Variants in GLIS3 observed in about 807,000 individuals in gnomAD.
GLIS3 encodes the protein GLIS family zinc finger 3.
Under a neutral mutation model 78.6 loss-of-function variants are expected in GLIS3, and 53 were observed. The ratio of observed to expected loss-of-function variants is 0.67; its 90% confidence interval spans 0.54 to 0.85. The LOEUF is 0.85. Among genes scored for constraint, GLIS3 ranks in the 40% least tolerant of loss-of-function variants. The pLI, the probability that GLIS3 is intolerant of heterozygous loss-of-function variation, is 0.00. For missense variants in GLIS3, 1,703 were observed against 1,231.1 expected (o/e 1.38, Z -5.74); for synonymous variants, 684 against 509.9 (o/e 1.34, Z -4.60).
At chr9:4,011,536 G>A (rs1235327135) in intron 4 of GLIS3, among the ~76,000 whole-genome samples, 1 of 152,154 alleles carries the variant, frequency 6.6e-6, no homozygotes, top group Non-Finnish European at 1.5e-5. Context: ...AGATGTACGG[G>A]CAGCCCATTC....
At chr9:4,117,660 T>A in intron 4 of GLIS3, 108 bp downstream of exon 4, 1 of 1,247,110 alleles carries the variant, frequency 8.0e-7, no homozygotes, top group Admixed American at 1.7e-5. Context: ...CATGGATACC[T>A]AGACCCCCAC....
At chr9:4,122,019 T>A (rs931228861) in intron 3 of GLIS3, among the ~76,000 whole-genome samples, 1 of 152,238 alleles carries the variant, frequency 6.6e-6, no homozygotes, top group Non-Finnish European at 1.5e-5. Flanking sequence ...TGATATTACT[T>A]CTGGTGATTG....
In GLIS3 at chr9:4,286,080, G is replaced by C; in HGVS notation, c.346C>G (p.Gln116Glu). The part of the protein sequence containing the change: ...MSGSHTLKPK[Q>E]QEFGSPFPPN... Reference sequence around the variant, plus strand: ...GGAAAAGGGCTTCCAAACTCCTGCTGCTTTGGCTTTAAAGTATGTGACCCT... The same window carrying C: ...GGAAAAGGGCTTCCAAACTCCTGCTCCTTTGGCTTTAAAGTATGTGACCCT... The change falls in exon 2 of 11, where the codon CAG becomes GAG. Residue 116 changes from glutamine (Q) to glutamate (E), a missense_variant. Gln to Glu is a conservative substitution (Grantham distance 29). Transcript: ENST00000381971. 1.2e-6 allele frequency: 2 copies of C among 1,613,692 alleles called. No individual in the cohort carries two copies. The highest frequency in any genetic ancestry group is 1.7e-6 in the Non-Finnish European group (2 of 1,179,792).
Position 4,290,713 on chromosome 9 carries a change from TA to T in GLIS3, c.-98-4191del, listed in dbSNP as rs376379974. Among the ~76,000 whole-genome samples the T allele has an allele frequency of 1.2e-4, 18 of 152,220 alleles. No individual in the cohort carries two copies. The East Asian group carries it at 1.9e-3, about 16-fold the overall frequency. On this transcript the variant is annotated intron_variant, in intron 1 of 10. Transcript: ENST00000381971. Reference sequence around the variant, plus strand: ...GACTGACTCCTCAGAAAAGACTGTATAAACAAAAACCAATCACGTAAGTCAT... The same window carrying T: ...GACTGACTCCTCAGAAAAGACTGTATAACAAAAACCAATCACGTAAGTCAT...
chr9:3,932,673 A>G, intron 5 of GLIS3: 2 of 535,030 alleles, frequency 3.7e-6, no homozygotes, highest in South Asian at 3.8e-5. Context: ...TTCAAGGAAC[A>G]AAGAGATGCC....
At chr9:4,308,848 T>A (rs568725700) in exon 4 of GLIS3, 2 of 152,226 alleles carry the variant, frequency 1.3e-5, no homozygotes, top group Non-Finnish European at 1.5e-5. Context: ...AGAGGCTGAA[T>A]TGAGACAATT....
At chr9:4,019,184 A>G (rs1298278773) in intron 4 of GLIS3, among the ~76,000 whole-genome samples, 1 of 152,190 alleles carries the variant, frequency 6.6e-6, no homozygotes, top group Non-Finnish European at 1.5e-5. Context: ...CTTGATAACA[A>G]AAGATGGAAG....
At chr9:4,489,752 C>G in the GLIS3 span, among the ~76,000 whole-genome samples, 1 of 152,216 alleles carries the variant, frequency 6.6e-6, no homozygotes, top group Non-Finnish European at 1.5e-5. Context: ...CCTCCATGCT[C>G]CAGGGCCTGT....
chr9:4,368,772 G>C, the GLIS3 span, among the ~76,000 whole-genome samples: 1 of 152,216 alleles, frequency 6.6e-6, no homozygotes, highest in Non-Finnish European at 1.5e-5. Flanking sequence ...ATAGTAGCAT[G>C]CACTGGAGTC....
chr9:3,881,532 G>A (rs1443523842), intron 7 of GLIS3, among the ~76,000 whole-genome samples: 1 of 152,132 alleles, frequency 6.6e-6, no homozygotes, highest in Non-Finnish European at 1.5e-5. Context: ...GCTATACTTG[G>A]CATTAGCTAC....
chr9:4,387,173 C>G, the GLIS3 span, among the ~76,000 whole-genome samples: 1 of 152,166 alleles, frequency 6.6e-6, no homozygotes, highest in Non-Finnish European at 1.5e-5. Flanking sequence ...AGGAAAAAAA[C>G]AAAACCTGGA....
intron 7 of GLIS3, among the ~76,000 whole-genome samples, chr9:3,886,319 A>G (rs966317897): frequency 6.6e-6 from 1 of 152,198 alleles, no homozygotes; most frequent in African/African-American, 2.4e-5. Flanking sequence ...GGCCTGTGAA[A>G]GAATCCTCAA....
chr9:4,435,902 T>C, the GLIS3 span, among the ~76,000 whole-genome samples: 16 of 152,284 alleles, frequency 1.1e-4, no homozygotes, highest in Non-Finnish European at 1.9e-4. Context: ...TGAGCCAAGA[T>C]CGTGCCACTG....
Position 3,824,851 on chromosome 9 carries a change from C to G in GLIS3, c.*3421G>C. The G allele has an allele frequency of 7.2e-6, 1 of 139,356 alleles. No homozygotes were observed. Among genetic ancestry groups the G allele is most frequent in the Non-Finnish European group, 1.5e-5 (1 of 65,620 alleles). 8.6% of individuals were successfully genotyped at this position (139,356 alleles called of 1,614,324 possible). A position where few individuals can be genotyped will look rare whatever the true frequency, so the allele number is the denominator to read the frequency against. ...TACACAGGATACTTTGCTGTCTGTA[C>G]AAAATAAATCTCTTTTTACACTCAC... On this transcript the variant is annotated 3_prime_UTR_variant, in exon 11 of 11. Transcript: ENST00000381971.
chr9:3,861,952 T>G (rs1199282314), intron 8 of GLIS3, among the ~76,000 whole-genome samples: 1 of 152,114 alleles, frequency 6.6e-6, no homozygotes, highest in East Asian at 1.9e-4. Context: ...TAACTTAAAT[T>G]AAATTTAAAA....
intron 2 of GLIS3, among the ~76,000 whole-genome samples, chr9:4,317,048 G>A (rs909080122): frequency 6.6e-6 from 1 of 152,208 alleles, no homozygotes; most frequent in Non-Finnish European, 1.5e-5. Context: ...TAATCTAGTT[G>A]AAAGATGAGG....
intron 2 of GLIS3, among the ~76,000 whole-genome samples, chr9:4,162,490 A>G (rs1194474916): frequency 2.0e-5 from 3 of 152,204 alleles, no homozygotes. Context: ...GGAAGGTGAT[A>G]TAATTCAATG....
chr9:4,018,075 C>T (rs932368776), intron 4 of GLIS3, among the ~76,000 whole-genome samples: 3 of 152,052 alleles, frequency 2.0e-5, no homozygotes, highest in East Asian at 1.9e-4. Flanking sequence ...CGTGCATTTT[C>T]GAATCTTGGA....
intron 7 of GLIS3, among the ~76,000 whole-genome samples, chr9:3,883,737 G>A (rs1354571006): frequency 6.6e-6 from 1 of 152,218 alleles, no homozygotes; most frequent in Non-Finnish European, 1.5e-5. Context: ...AAGGCTGCAA[G>A]AGGGCTTCTA....
Sources: allele counts gnomAD v4.1 joint callset (sites outside exome capture counted in the v4.1 genomes callset), GRCh38; gene constraint gnomAD v4.1.1; transcripts MANE v1.5; gene names NCBI Gene and HGNC (gene_info 2026-07-23, HGNC 2026-07-21).